The following GALNTL6 variants were observed in gnomAD, a reference collection of about 807,000 sequenced individuals.
GALNTL6 encodes polypeptide N-acetylgalactosaminyltransferase like 6.
A neutral mutation model predicts 73.7 loss-of-function variants in GALNTL6; 46 were observed. That is an observed-to-expected ratio of 0.62 (90% CI 0.49 to 0.80). GALNTL6 has a LOEUF of 0.80. Among genes scored for constraint, GALNTL6 ranks in the 30% least tolerant of loss-of-function variants. The probability of loss-of-function intolerance (pLI) is 0.00; values close to 1 mark genes in which losing one functional copy is unlikely to be tolerated. For missense variants in GALNTL6, 604 were observed against 755.0 expected (o/e 0.80, Z 2.34); for synonymous variants, 259 against 263.7 (o/e 0.98, Z 0.17).
At chr4:171,987,931 G>A (rs960466023) in intron 2 of GALNTL6, among the ~76,000 whole-genome samples, 3 of 152,164 alleles carry the variant, frequency 2.0e-5, no homozygotes, top group Admixed American at 2.0e-4. Flanking sequence ...TCCAGGCCAG[G>A]AACAATGGTA....
chr4:172,675,527 G>A (rs952390856), intron 5 of GALNTL6, among the ~76,000 whole-genome samples: 2 of 152,160 alleles, frequency 1.3e-5, no homozygotes, highest in African/African-American at 4.8e-5. Flanking sequence ...GGTACTGGCT[G>A]GCACAGGTCT....
intron 2 of GALNTL6, among the ~76,000 whole-genome samples, chr4:171,910,177 TTTAAAAAACTGTTG>T (rs1737431654): frequency 6.6e-6 from 1 of 151,950 alleles, no homozygotes; most frequent in Admixed American, 6.6e-5. Context: ...AGCAAAACAC[TTTAAAAAACTGTTG>T]TTAAACCGTT....
intron 5 of GALNTL6, among the ~76,000 whole-genome samples, chr4:172,734,852 A>G (rs1259300803): frequency 6.6e-6 from 1 of 152,216 alleles, no homozygotes; most frequent in Non-Finnish European, 1.5e-5. Flanking sequence ...GCCAAGGTAC[A>G]GCTCAGGCCA....
chr4:172,211,060 G>C (rs550927511), intron 2 of GALNTL6, among the ~76,000 whole-genome samples: 10 of 152,220 alleles, frequency 6.6e-5, no homozygotes, highest in African/African-American at 2.4e-4. Flanking sequence ...CATCCTTTTA[G>C]GTATTGGTGT....
Position 171,825,082 on chromosome 4 carries a change from G to GA in GALNTL6, c.138+10370dup, listed in dbSNP as rs1734787511. On this transcript the variant is annotated intron_variant, in intron 2 of 12. Coordinates refer to ENST00000506823, the MANE Select transcript of GALNTL6 (RefSeq NM_001034845.3). ...TCTGAACATGTATTCTGCCCTCAGG[G>GA]AAAAAACGATCTTTTAAATTGTGTC... 2.0e-5 allele frequency among the ~76,000 whole-genome samples: 3 copies of GA among 152,122 alleles called. No individual in the cohort carries two copies. The South Asian group carries it at 6.2e-4, about 32-fold the overall frequency.
chr4:171,850,035 G>A (rs138819111), intron 2 of GALNTL6, among the ~76,000 whole-genome samples: 1 of 152,058 alleles, frequency 6.6e-6, no homozygotes, highest in Non-Finnish European at 1.5e-5. Context: ...GTGCAATCTC[G>A]GCTCACTGCA....
chr4:172,441,858 G>A (rs568838490), intron 5 of GALNTL6, among the ~76,000 whole-genome samples: 14 of 151,838 alleles, frequency 9.2e-5, no homozygotes, highest in African/African-American at 1.9e-4. Context: ...TAGGGAAGAC[G>A]TGGAAATGTG....
intron 5 of GALNTL6, among the ~76,000 whole-genome samples, chr4:172,792,008 A>G (rs1290810778): frequency 1.3e-5 from 2 of 152,212 alleles, no homozygotes; most frequent in Admixed American, 1.3e-4. Flanking sequence ...CTCACTGCCT[A>G]GAGGGCATAA....
chr4:172,597,703 T>G (rs1480494203), intron 5 of GALNTL6, among the ~76,000 whole-genome samples: 1 of 152,188 alleles, frequency 6.6e-6, no homozygotes, highest in Non-Finnish European at 1.5e-5. Context: ...TTTAATTTGT[T>G]GTCAATACAT....
At chr4:173,032,018 G>A (rs1753481444) in intron 12 of GALNTL6, among the ~76,000 whole-genome samples, 1 of 152,140 alleles carries the variant, frequency 6.6e-6, no homozygotes, top group Admixed American at 6.5e-5. Flanking sequence ...ACAGACATCT[G>A]GATCAACTTG....
At chr4:172,752,061 A>AC (rs1737456987) in intron 5 of GALNTL6, among the ~76,000 whole-genome samples, 1 of 151,646 alleles carries the variant, frequency 6.6e-6, no homozygotes, top group Non-Finnish European at 1.5e-5. Flanking sequence ...AAAAAAAAAA[A>AC]AGCCCACAAG....
chr4:171,958,157 G>A (rs75673012), intron 2 of GALNTL6, among the ~76,000 whole-genome samples: 134 of 152,184 alleles, frequency 8.8e-4, no homozygotes, highest in African/African-American at 2.8e-3. Context: ...TGATATCCTT[G>A]AAATTATTGG....
intron 5 of GALNTL6, among the ~76,000 whole-genome samples, chr4:172,561,375 C>T (rs984986877): frequency 1.3e-5 from 2 of 151,914 alleles, no homozygotes; most frequent in South Asian, 2.1e-4. Context: ...CTAATCCTTA[C>T]CCCCTGTTCT....
chr4:172,061,141 T>C (rs186530393), intron 2 of GALNTL6, among the ~76,000 whole-genome samples: 156 of 152,230 alleles, frequency 1.0e-3, no homozygotes, highest in Middle Eastern at 3.4e-3. Context: ...AAAATACTTA[T>C]TTTTCTTCTT....
At position 171,814,800 on chromosome 4, in the gene GALNTL6, G is replaced by A. The variant is rs765638550; in HGVS notation, c.138+82G>A. ...CGGGGACTCGAGAAAGCCGGTGTGG[G>A]ATCGCCTTGGGTTTTCCCCCAAGTC... On this transcript the variant is annotated intron_variant, in intron 2 of 12. Transcript: ENST00000506823. 16 of 1,445,946 alleles carry A rather than the reference G, an allele frequency of 1.1e-5. No homozygotes were observed. The African/African-American group carries it at 1.2e-4, about 11-fold the overall frequency. 89.6% of individuals were successfully genotyped at this position (1,445,946 alleles called of 1,614,324 possible).
At chr4:171,995,157 G>C (rs1182914226) in intron 2 of GALNTL6, among the ~76,000 whole-genome samples, 1 of 151,870 alleles carries the variant, frequency 6.6e-6, no homozygotes, top group Non-Finnish European at 1.5e-5. Context: ...TCAGAAAAAA[G>C]TGTTTTATGA....
intron 2 of GALNTL6, among the ~76,000 whole-genome samples, chr4:171,860,489 A>G (rs1353979095): frequency 6.6e-6 from 1 of 152,196 alleles, no homozygotes; most frequent in Non-Finnish European, 1.5e-5. Context: ...TCACTCCTCT[A>G]GATTGCTCAT....
chr4:171,977,582 T>C (rs1021982261), intron 2 of GALNTL6, among the ~76,000 whole-genome samples: 5 of 152,128 alleles, frequency 3.3e-5, no homozygotes, highest in African/African-American at 1.2e-4. Context: ...TCATATTGAA[T>C]GAGGACCCAC....
In GALNTL6 at chr4:171,849,618, A is replaced by T. The variant is rs1735464889; in HGVS notation, c.138+34900A>T. ...GATTTTACCTATTAATGTAAGTCTA[A>T]ATAGGTAAATTTACATTGAGAAATT... On this transcript the variant is annotated intron_variant, in intron 2 of 12. Transcript: ENST00000506823. Among the ~76,000 whole-genome samples, 3 of 152,334 alleles carry T rather than the reference A, an allele frequency of 2.0e-5. No homozygotes were observed. The South Asian group carries it at 6.2e-4, about 32-fold the overall frequency.
Sources: allele counts gnomAD v4.1 joint callset (sites outside exome capture counted in the v4.1 genomes callset), GRCh38; gene constraint gnomAD v4.1.1; transcripts MANE v1.5; gene names NCBI Gene and HGNC (gene_info 2026-07-23, HGNC 2026-07-21).